The following STARD6 variants were observed in gnomAD, a reference collection of about 807,000 sequenced individuals.
STARD6 encodes the protein stAR-related lipid transfer protein 6.
A neutral mutation model predicts 22.3 loss-of-function variants in STARD6; 21 were observed. That is an observed-to-expected ratio of 0.94 (90% CI 0.67 to 1.35). The LOEUF is 1.35. Among genes scored for constraint, STARD6 ranks in the 40% most tolerant of loss-of-function variants. STARD6 has a pLI of 0.00. For synonymous variants in STARD6, 80 were observed against 88.1 expected, an observed-to-expected ratio of 0.91 and a Z score of 0.52; for missense variants, 269 against 266.9, an observed-to-expected ratio of 1.01 and a Z score of -0.05.
intron 4 of STARD6, among the ~76,000 whole-genome samples, chr18:54,350,285 T>A (rs1444987539): frequency 2.0e-5 from 3 of 152,196 alleles, no homozygotes; most frequent in Non-Finnish European, 2.9e-5. Context: ...TATCTTCTTT[T>A]GAGAATTGTC....
intron 4 of STARD6, among the ~76,000 whole-genome samples, chr18:54,340,215 G>T (rs1002981807): frequency 6.6e-6 from 1 of 152,040 alleles, no homozygotes; most frequent in African/African-American, 2.4e-5. Context: ...TATGGTATTT[G>T]ATTTGTAACA....
intron 4 of STARD6, among the ~76,000 whole-genome samples, chr18:54,344,022 A>T (rs1235855820): frequency 2.1e-5 from 1 of 46,890 alleles, no homozygotes; most frequent in Non-Finnish European, 3.5e-5. Context: ...GGCCGCCCCT[A>T]CTGGGAAGTG....
intron 7 of STARD6, 66 bp downstream of exon 7, chr18:54,329,281 C>A: frequency 3.7e-6 from 5 of 1,341,254 alleles, no homozygotes; most frequent in Non-Finnish European, 3.1e-6. Flanking sequence ...AGCCAGCAAT[C>A]TTAAACTAAA....
chr18:54,339,724 AAGGGAAGTTCTTC>A (rs1375598668), intron 4 of STARD6, among the ~76,000 whole-genome samples: 10 of 152,216 alleles, frequency 6.6e-5, no homozygotes, highest in African/African-American at 2.4e-4. Context: ...AAAAATGCTA[AAGGGAAGTTCTTC>A]AGGCAAAAGG....
chr18:54,356,892 T>A (rs540034725), intron 1 of STARD6, among the ~76,000 whole-genome samples: 1 of 152,184 alleles, frequency 6.6e-6, no homozygotes, highest in Non-Finnish European at 1.5e-5. Flanking sequence ...TATTTTCAAA[T>A]CACCAACTAT....
intron 5 of STARD6, among the ~76,000 whole-genome samples, chr18:54,333,899 A>G (rs2088887198): frequency 6.6e-6 from 1 of 152,238 alleles, no homozygotes; most frequent in South Asian, 2.1e-4. Flanking sequence ...GAAATTTTAC[A>G]AATGCAATCA....
chr18:54,339,440 T>G (rs570629344), intron 4 of STARD6, among the ~76,000 whole-genome samples: 1 of 150,732 alleles, frequency 6.6e-6, no homozygotes, highest in Non-Finnish European at 1.5e-5. Context: ...ATAGTCAAAA[T>G]TCTGAACATG....
intron 4 of STARD6, among the ~76,000 whole-genome samples, chr18:54,346,695 C>T (rs528097380): frequency 2.0e-5 from 3 of 152,050 alleles, no homozygotes; most frequent in South Asian, 2.1e-4. Context: ...GTGGCATATC[C>T]GTACCATAGA....
intron 4 of STARD6, 50 bp downstream of exon 4, chr18:54,354,004 C>T (rs766361684): frequency 8.7e-7 from 1 of 1,155,852 alleles, no homozygotes; most frequent in Non-Finnish European, 1.3e-6. Flanking sequence ...CCAGATACAT[C>T]AATGGCATTG....
intron 4 of STARD6, among the ~76,000 whole-genome samples, chr18:54,343,318 T>G (rs2088996024): frequency 7.4e-6 from 1 of 134,638 alleles, no homozygotes; most frequent in South Asian, 2.6e-4. Flanking sequence ...CCACCCCATC[T>G]GGGAAGTGAG....
At chr18:54,331,591 A>T (rs900799542) in intron 6 of STARD6, 151 bp downstream of exon 6, 4 of 591,414 alleles carry the variant, frequency 6.8e-6, no homozygotes, top group Admixed American at 5.9e-5. Context: ...CACTAGGCAT[A>T]TCTACATGAT....
chr18:54,344,597 A>AAG lies in STARD6; in HGVS notation c.141-7347_141-7346insCT, dbSNP rs1375792440. On this transcript the variant is annotated intron_variant, in intron 4 of 7. Coordinates refer to ENST00000307844, the MANE Select transcript of STARD6 (RefSeq NM_139171.2). Reference sequence around the variant, plus strand: ...AAAAAATAAATTAAAAAAAAAAAAAAAAAAGAAAATAAAACTACACCCCAG... The same window carrying AAG: ...AAAAAATAAATTAAAAAAAAAAAAAAAGAAAAGAAAATAAAACTACACCCCAG... Among the ~76,000 whole-genome samples the AAG allele has an allele frequency of 1.4e-4, 18 of 128,622 alleles. 3 individuals are homozygous for AAG. The highest frequency in any genetic ancestry group is 3.9e-4 in the East Asian group (2 of 5,094). The allele number at this position is 128,622 out of a possible 152,430, so 84.4% of individuals were successfully genotyped here.
In STARD6 at chr18:54,346,441, C is replaced by T. The variant is rs149200090; in HGVS notation, c.140+7613G>A. On this transcript the variant is annotated intron_variant, in intron 4 of 7. Transcript: ENST00000307844. ...TGCTGAAGAGGTGGAGAAATTGGAACCTACATACACTGCTGTTAGGAATAT... is the reference window on the plus strand; with the variant it reads ...TGCTGAAGAGGTGGAGAAATTGGAATCTACATACACTGCTGTTAGGAATAT... Among the ~76,000 whole-genome samples the T allele has an allele frequency of 4.2e-3, 641 of 151,980 alleles. 9 individuals are homozygous for T. Among genetic ancestry groups the T allele is most frequent in the African/African-American group, 0.015 (623 of 41,488 alleles).
chr18:54,336,416 G>A (rs561153250), intron 5 of STARD6, among the ~76,000 whole-genome samples: 3 of 152,198 alleles, frequency 2.0e-5, no homozygotes, highest in African/African-American at 7.2e-5. Context: ...GAAGGTGCCT[G>A]CTTCTCCTTT....
intron 4 of STARD6, among the ~76,000 whole-genome samples, chr18:54,339,067 A>AC (rs2088945465): frequency 1.4e-5 from 2 of 147,232 alleles, no homozygotes; most frequent in African/African-American, 2.5e-5. Flanking sequence ...AAAAAAAAAA[A>AC]AAAAAAAAAA....
chr18:54,326,728 A>G (rs186472652), intron 7 of STARD6, among the ~76,000 whole-genome samples: 1 of 151,164 alleles, frequency 6.6e-6, no homozygotes, highest in Non-Finnish European at 1.5e-5. Context: ...TAAAATAAAA[A>G]ATATTTTTAT....
At chr18:54,337,327 A>G (rs1377741477) in intron 4 of STARD6, 76 bp from the exon 5 acceptor site, 5 of 1,386,268 alleles carry the variant, frequency 3.6e-6, no homozygotes, top group South Asian at 1.6e-5. Flanking sequence ...CTATCAAAGC[A>G]TAAAGGTAGG....
intron 5 of STARD6, among the ~76,000 whole-genome samples, chr18:54,336,515 C>T (rs2088914228): frequency 6.6e-6 from 1 of 152,170 alleles, no homozygotes; most frequent in South Asian, 2.1e-4. Context: ...ATAAATTACC[C>T]AGTCTTGGGT....
intron 4 of STARD6, among the ~76,000 whole-genome samples, chr18:54,345,853 G>C (rs1332388896): frequency 1.3e-5 from 2 of 152,142 alleles, no homozygotes. Flanking sequence ...CCAACAAATA[G>C]TGCTGGGACA....
Sources: allele counts gnomAD v4.1 joint callset (sites outside exome capture counted in the v4.1 genomes callset), GRCh38; gene constraint gnomAD v4.1.1; transcripts MANE v1.5; gene names NCBI Gene and HGNC (gene_info 2026-07-23, HGNC 2026-07-21).